The following TDRD15 variants were observed in gnomAD, a reference collection of about 807,000 sequenced individuals.
TDRD15 encodes tudor domain-containing protein 15.
For synonymous variants in TDRD15, 503 were observed against 314.5 expected (o/e 1.60, Z -6.34); for missense variants, 1,416 against 904.7 (o/e 1.57, Z -7.25).
At chr2:21,129,036 G>A (rs756449084) in intron 2 of TDRD15, among the ~76,000 whole-genome samples, 1 of 151,888 alleles carries the variant, frequency 6.6e-6, no homozygotes, top group Non-Finnish European at 1.5e-5. Context: ...CCCCAGGGTC[G>A]AGCCATCCTC....
At position 21,139,092 on chromosome 2, in the gene TDRD15, A is replaced by G. The variant is rs1665868997; in HGVS notation, c.1625A>G (p.Tyr542Cys). Reference protein sequence around the residue: ...PEPGLFCCARYSKDRRFYRAV... With the variant: ...PEPGLFCCARCSKDRRFYRAV... ...CCTGGATTATTTTGTTGTGCTAGAT[A>G]TAGCAAGGACAGACGTTTTTACAGA... The change falls in exon 4 of 4, where the codon TAT (tyrosine) becomes TGT (cysteine). Residue 542 changes from tyrosine to cysteine, a missense_variant. Coordinates refer to ENST00000405799, the MANE Select transcript of TDRD15 (RefSeq NM_001306137.2). The G allele has an allele frequency of 1.4e-6, 1 of 715,270 alleles. No homozygotes were observed. Among genetic ancestry groups the G allele is most frequent in the Non-Finnish European group, 2.6e-6 (1 of 383,980 alleles). 44.3% of individuals were successfully genotyped at this position (715,270 alleles called of 1,614,324 possible). A position where few individuals can be genotyped will look rare whatever the true frequency, so the allele number is the denominator to read the frequency against.
rs1053785892 is a variant in TDRD15, at chr2:21,137,524, T to G, written c.57T>G (p.His19Gln). 4.3e-6 allele frequency: 3 copies of G among 703,042 alleles called. No individual in the cohort carries two copies. In the Admixed American group the frequency reaches 6.5e-5, roughly 15 times the overall value. 43.6% of individuals were successfully genotyped at this position (703,042 alleles called of 1,614,324 possible). A position where few individuals can be genotyped will look rare whatever the true frequency, so the allele number is the denominator to read the frequency against. ...TFLDVDLTIS[H>Q]IKCLPKDILV... ...TAGATGTGGATCTGACAATATCACA[T>G]ATTAAATGTCTTCCCAAGGATATTC... The change falls in exon 4 of 4, where the codon CAT (histidine) becomes CAG (glutamine). Residue 19 changes from histidine (H) to glutamine (Q), a missense_variant. Transcript: ENST00000405799.
chr2:21,137,430 T>G (rs1304139879), intron 3 of TDRD15, 35 bp from the exon 4 acceptor site: 1 of 585,016 alleles, frequency 1.7e-6, no homozygotes, highest in Non-Finnish European at 3.1e-6. Context: ...CAGTTAACTT[T>G]GATAGCTAAT....
intron 2 of TDRD15, among the ~76,000 whole-genome samples, chr2:21,130,608 G>T (rs1665700177): frequency 6.6e-6 from 1 of 152,018 alleles, no homozygotes; most frequent in Non-Finnish European, 1.5e-5. Flanking sequence ...TTGCATGTGG[G>T]TATCCATTTT....
chr2:21,132,165 A>G (rs904202787), intron 2 of TDRD15, among the ~76,000 whole-genome samples: 4 of 152,254 alleles, frequency 2.6e-5, no homozygotes, highest in African/African-American at 9.6e-5. Flanking sequence ...CTTCAGTGTA[A>G]TAAGTGATGG....
intron 2 of TDRD15, among the ~76,000 whole-genome samples, chr2:21,129,209 A>C (rs1025114721): frequency 6.6e-6 from 1 of 152,026 alleles, no homozygotes; most frequent in Non-Finnish European, 1.5e-5. Flanking sequence ...GTCCTGTCCA[A>C]ATTTTTGTGT....
chr2:21,140,294 G>A lies in TDRD15; in HGVS notation c.2827G>A (p.Glu943Lys). The change falls in exon 4 of 4, where the codon GAG (glutamate) becomes AAG (lysine). Residue 943 changes from glutamate to lysine, a missense_variant. Transcript: ENST00000405799. The part of the protein sequence containing the change: ...RGSAQYITLS[E>K]TFPSLFSLYS... ...CTCTGCTCAGTATATCACATTATCA[G>A]AGACATTCCCATCTTTATTTAGTCT... The A allele has an allele frequency of 4.2e-6, 3 of 714,926 alleles. No homozygotes were observed. The highest frequency in any genetic ancestry group is 4.6e-4 in the Middle Eastern group (2 of 4,350). The allele number at this position is 714,926 out of a possible 1,614,324, so 44.3% of individuals were successfully genotyped here.
intron 3 of TDRD15, among the ~76,000 whole-genome samples, chr2:21,135,835 A>C (rs921444137): frequency 6.6e-6 from 1 of 152,006 alleles, no homozygotes; most frequent in African/African-American, 2.4e-5. Flanking sequence ...CCAGGAGTCC[A>C]TCTGTATTGT....
intron 3 of TDRD15, among the ~76,000 whole-genome samples, chr2:21,135,753 T>A (rs2103441410): frequency 6.6e-6 from 1 of 152,106 alleles, no homozygotes; most frequent in East Asian, 1.9e-4. Context: ...AGCAGTCTAT[T>A]TCTGGATGTT....
Position 21,143,142 on chromosome 2 carries a change from A to G in TDRD15, c.5675A>G (p.Lys1892Arg), listed in dbSNP as rs1189014236. ...FREYHSETKL[K>R]VDVIHEKNNL... ...GAATATCATTCTGAAACAAAACTGA[A>G]AGTAGATGTCATTCATGAGAAAAAC... Residue 1892 changes from lysine (K) to arginine (R), a missense_variant, in exon 4 of 4, where the codon AAA (lysine) becomes AGA (arginine). Coordinates refer to ENST00000405799, the MANE Select transcript of TDRD15 (RefSeq NM_001306137.2). 1 of 708,448 alleles carries G rather than the reference A, an allele frequency of 1.4e-6. No individual in the cohort carries two copies. Among genetic ancestry groups the G allele is most frequent in the Non-Finnish European group, 2.6e-6 (1 of 381,930 alleles). The allele number at this position is 708,448 out of a possible 1,614,324, so 43.9% of individuals were successfully genotyped here.
chr2:21,124,143 T>G (rs1283534979), intron 1 of TDRD15, 97 bp downstream of exon 1: 1 of 152,764 alleles, frequency 6.5e-6, no homozygotes, highest in African/African-American at 2.4e-5. Context: ...TACAGGGGCT[T>G]TGGCCTCCCA....
rs1375186628 is a variant in TDRD15 at position 21,143,474 on chromosome 2, G to A, written c.*202G>A. On this transcript the variant is annotated 3_prime_UTR_variant, in exon 4 of 4. Coordinates refer to ENST00000405799, the MANE Select transcript of TDRD15 (RefSeq NM_001306137.2). ...ACAGTGAGAAAGAAAGTTGGTAGTG[G>A]AAAACATTTCCAGAGTACCATTTTG... Among the ~76,000 whole-genome samples the A allele has an allele frequency of 1.3e-5, 2 of 151,572 alleles. No homozygotes were observed. Among genetic ancestry groups the A allele is most frequent in the African/African-American group, 2.4e-5 (1 of 41,396 alleles).
At chr2:21,132,359 G>C (rs1177046932) in intron 2 of TDRD15, among the ~76,000 whole-genome samples, 1 of 151,906 alleles carries the variant, frequency 6.6e-6, no homozygotes, top group African/African-American at 2.4e-5. Flanking sequence ...ATTTTAAAAA[G>C]ATCACTCTGG....
At chr2:21,132,457 G>C (rs933561568) in intron 2 of TDRD15, among the ~76,000 whole-genome samples, 1 of 152,084 alleles carries the variant, frequency 6.6e-6, no homozygotes, top group Non-Finnish European at 1.5e-5. Context: ...AGATGACAGG[G>C]GAAGATAGTT....
At chr2:21,137,003 A>G (rs2103442375) in intron 3 of TDRD15, among the ~76,000 whole-genome samples, 1 of 152,066 alleles carries the variant, frequency 6.6e-6, no homozygotes, top group East Asian at 1.9e-4. Context: ...TTTTTGGTTC[A>G]CCATCTGCCC....
In TDRD15 at chr2:21,141,618, C is replaced by A. The variant is rs1296861586; in HGVS notation, c.4151C>A (p.Ala1384Glu). Residue 1384 changes from alanine (A) to glutamate (E), a missense_variant, in exon 4 of 4, where the codon GCA becomes GAA. Coordinates refer to ENST00000405799, the MANE Select transcript of TDRD15 (RefSeq NM_001306137.2). ...EVEFIDYGNSAIVNTSKIYEL... is the reference protein window; with the variant it reads ...EVEFIDYGNSEIVNTSKIYEL... ...GAATTTATTGACTATGGTAACTCTG[C>A]AATAGTAAACACATCTAAAATTTAC... The A allele has an allele frequency of 1.4e-6, 1 of 713,566 alleles. No homozygotes were observed. The highest frequency in any genetic ancestry group is 2.6e-6 in the Non-Finnish European group (1 of 383,170). 44.2% of individuals were successfully genotyped at this position (713,566 alleles called of 1,614,324 possible). A position where few individuals can be genotyped will look rare whatever the true frequency, so the allele number is the denominator to read the frequency against.
chr2:21,142,926 C>G lies in TDRD15; in HGVS notation c.5459C>G (p.Ser1820Cys), dbSNP rs752807336. 2 of 695,404 alleles carry G rather than the reference C, an allele frequency of 2.9e-6. No individual in the cohort carries two copies. Among genetic ancestry groups the G allele is most frequent in the African/African-American group, 3.6e-5 (2 of 55,684 alleles). The allele number at this position is 695,404 out of a possible 1,614,324, so 43.1% of individuals were successfully genotyped here. ...CTTGTGTTGGTTGACTATGGATTTT[C>G]TTTTTATATACGTTATTCAGAAATT... ...LCLVLVDYGFSFYIRYSEIIN... is the reference protein window; with the variant it reads ...LCLVLVDYGFCFYIRYSEIIN... The change falls in exon 4 of 4, where the codon TCT becomes TGT. Residue 1820 changes from serine to cysteine, a missense_variant. By Grantham distance (112) the Ser-to-Cys change is moderately radical (BLOSUM62 -1). Transcript: ENST00000405799.
chr2:21,128,460 C>T (rs1222555519), intron 2 of TDRD15, among the ~76,000 whole-genome samples: 12 of 151,754 alleles, frequency 7.9e-5, no homozygotes, highest in African/African-American at 1.2e-4. Context: ...GTAGCTGGTA[C>T]TACAGGCGCC....
At position 21,142,847 on chromosome 2, in the gene TDRD15, G is replaced by A. The variant is rs1665963476; in HGVS notation, c.5380G>A (p.Glu1794Lys). The A allele has an allele frequency of 1.4e-6, 1 of 714,256 alleles. No individual in the cohort carries two copies. The highest frequency in any genetic ancestry group is 2.6e-6 in the Non-Finnish European group (1 of 383,280). 44.2% of individuals were successfully genotyped at this position (714,256 alleles called of 1,614,324 possible). A position where few individuals can be genotyped will look rare whatever the true frequency, so the allele number is the denominator to read the frequency against. ...GSSCLFKYKSEDQWNRVEISE... is the reference protein window; with the variant it reads ...GSSCLFKYKSKDQWNRVEISE... ...TAGTTGTTTGTTCAAATATAAATCGGAAGATCAGTGGAATAGAGTAGAAAT... is the reference window on the plus strand; with the variant it reads ...TAGTTGTTTGTTCAAATATAAATCGAAAGATCAGTGGAATAGAGTAGAAAT... Residue 1794 changes from glutamate (E) to lysine (K), a missense_variant, in exon 4 of 4, where the codon GAA becomes AAA. Physicochemically the swap from Glu to Lys is moderately conservative, Grantham distance 56 (BLOSUM62 1). Transcript: ENST00000405799.
Sources: allele counts gnomAD v4.1 joint callset (sites outside exome capture counted in the v4.1 genomes callset), GRCh38; gene constraint gnomAD v4.1.1; transcripts MANE v1.5; gene names NCBI Gene and HGNC (gene_info 2026-07-23, HGNC 2026-07-21).